Variants in RIPK2 observed in about 807,000 individuals in gnomAD.
RIPK2 encodes receptor-interacting serine/threonine-protein kinase 2.
Under a neutral mutation model 60.9 loss-of-function variants are expected in RIPK2, and 38 were observed. That is an observed-to-expected ratio of 0.62 (90% confidence interval 0.48 to 0.82). The LOEUF is 0.82. RIPK2 is among the 40% of genes least tolerant of loss of function. The pLI is 0.00. For missense variants in RIPK2, 518 were observed against 647.0 expected (o/e 0.80, Z 2.16); for synonymous variants, 225 against 223.4 (o/e 1.01, Z -0.06).
intron 7 of RIPK2, 128 bp downstream of exon 7, chr8:89,780,288 G>A: frequency 2.1e-6 from 1 of 471,034 alleles, no homozygotes; most frequent in East Asian, 3.8e-5. Context: ...GTTTTGGAGT[G>A]AGAAAATTTA....
At chr8:89,789,944 A>G (rs934817299) in intron 10 of RIPK2, 135 bp from the exon 11 acceptor site, 98 of 601,600 alleles carry the variant, frequency 1.6e-4, no homozygotes, top group Non-Finnish European at 2.5e-4. Context: ...ACCATTCCCC[A>G]AAGTGTTGGT....
intron 9 of RIPK2, among the ~76,000 whole-genome samples, chr8:89,788,194 A>G (rs1225026553): frequency 6.6e-6 from 1 of 151,202 alleles, no homozygotes; most frequent in African/African-American, 2.4e-5. Context: ...ATACAAAAAA[A>G]TTAGCGGGTA....
rs1809543845 is a variant in RIPK2 at position 89,784,089 on chromosome 8, A to G, written c.979A>G (p.Lys327Glu). Residue 327 changes from lysine to glutamate, a missense_variant, in exon 8 of 11, where the codon AAG (lysine) becomes GAG (glutamate). Physicochemically the swap from Lys to Glu is moderately conservative, Grantham distance 56. Transcript: ENST00000220751. Reference protein sequence around the residue: ...VSSAIHLCDKKKMELSLNIPV... With the variant: ...VSSAIHLCDKEKMELSLNIPV... ...AAGTGCCATTCACCTATGTGACAAG[A>G]AGAAAATGGAATTATCTCTGAACAT... The G allele has an allele frequency of 6.3e-7, 1 of 1,593,946 alleles. No individual in the cohort carries two copies. The highest frequency in any genetic ancestry group is 8.6e-7 in the Non-Finnish European group (1 of 1,166,026).
In RIPK2 at chr8:89,790,463, ATC is replaced by A. The variant is rs765649434; in HGVS notation, c.*51_*52del. ...ATGTGTTTCATAAAAGGATATTTAT[ATC>A]TCTGTTGCTTTGACTTTTTTTATAT... On this transcript the variant is annotated 3_prime_UTR_variant, in exon 11 of 11. Transcript: ENST00000220751. The A allele has an allele frequency of 1.5e-6, 2 of 1,362,118 alleles. No homozygotes were observed. The highest frequency in any genetic ancestry group is 2.3e-5 in the Admixed American group (1 of 43,318). 84.4% of individuals were successfully genotyped at this position (1,362,118 alleles called of 1,614,324 possible).
At chr8:89,773,995 A>G (rs1809356700) in intron 6 of RIPK2, among the ~76,000 whole-genome samples, 2 of 152,054 alleles carry the variant, frequency 1.3e-5, no homozygotes, top group Admixed American at 6.6e-5. Flanking sequence ...CAGGAGGATC[A>G]CTTGAGCCCA....
At chr8:89,765,217 A>G in intron 2 of RIPK2, 124 bp from the exon 3 acceptor site, 1 of 595,304 alleles carries the variant, frequency 1.7e-6, no homozygotes. Context: ...ATTTTATAAA[A>G]ATGAGCATAT....
At chr8:89,775,372 G>A (rs1456371650) in intron 6 of RIPK2, among the ~76,000 whole-genome samples, 1 of 152,104 alleles carries the variant, frequency 6.6e-6, no homozygotes, top group Non-Finnish European at 1.5e-5. Context: ...GATTGCTTGA[G>A]CCCAAAATGT....
At chr8:89,771,611 C>G in intron 4 of RIPK2, 130 bp from the exon 5 acceptor site, 1 of 580,892 alleles carries the variant, frequency 1.7e-6, no homozygotes, top group Non-Finnish European at 3.0e-6. Context: ...TCATTGTATA[C>G]AGTAATTCTT....
rs746433286 is a variant in RIPK2 at position 89,772,724 on chromosome 8, T to C, written c.749T>C (p.Ile250Thr). The C allele has an allele frequency of 1.2e-5, 19 of 1,611,970 alleles. No homozygotes were observed. The highest frequency in any genetic ancestry group is 1.6e-5 in the Non-Finnish European group (19 of 1,178,600). Residue 250 changes from isoleucine to threonine, a missense_variant, in exon 6 of 11, where the codon ATT (isoleucine) becomes ACT (threonine). Around this residue, in one of 3 missense-constraint regions of RIPK2, gnomAD observed 448 missense variants for 534.7 expected, o/e 0.84. Coordinates refer to ENST00000220751, the MANE Select transcript of RIPK2 (RefSeq NM_003821.6). The stretch of plus-strand genomic sequence containing the variant: ...GTGTCACAAGGACATCGACCTGTTA[T>C]TAATGAAGAAAGTTTGCCATATGAT... ...YSVSQGHRPV[I>T]NEESLPYDIP...
intron 3 of RIPK2, 84 bp downstream of exon 3, chr8:89,765,580 T>A (rs2130548783): frequency 1.2e-6 from 1 of 810,114 alleles, no homozygotes; most frequent in East Asian, 2.6e-5. Context: ...ACCTAGCCAA[T>A]TTCATGTCTC....
chr8:89,758,161 C>T lies in RIPK2; in HGVS notation c.101C>T (p.Ser34Phe), dbSNP rs760117427. Residue 34 changes from serine (S) to phenylalanine (F), a missense_variant, in exon 1 of 11, where the codon TCC becomes TTC. Ser to Phe is a radical substitution (Grantham distance 155). Coordinates refer to ENST00000220751, the MANE Select transcript of RIPK2 (RefSeq NM_003821.6). ...LSRGASGTVS[S>F]ARHADWRVQV... is the part of the protein sequence containing the mutation. ...CGCGGCGCCTCTGGCACTGTGTCGT[C>T]CGCCCGCCACGCAGACTGGCGCGTC... is the stretch of plus-strand genomic sequence containing the variant. 1.3e-5 allele frequency: 21 copies of T among 1,598,396 alleles called. No homozygotes were observed. The highest frequency in any genetic ancestry group is 1.7e-5 in the Non-Finnish European group (20 of 1,174,240).
At chr8:89,781,911 G>A (rs931632933) in intron 7 of RIPK2, among the ~76,000 whole-genome samples, 4 of 152,144 alleles carry the variant, frequency 2.6e-5, no homozygotes, top group Non-Finnish European at 5.9e-5. Context: ...TGCACTTTGG[G>A]CCATTAGTAG....
intron 1 of RIPK2, 83 bp from the exon 2 acceptor site, chr8:89,762,746 A>G: frequency 1.3e-6 from 1 of 755,370 alleles, no homozygotes; most frequent in South Asian, 4.0e-5. Context: ...TAATTAATGA[A>G]AAAAAATCCA....
intron 3 of RIPK2, among the ~76,000 whole-genome samples, chr8:89,768,845 T>A (rs1809269393): frequency 6.6e-6 from 1 of 151,690 alleles, no homozygotes; most frequent in Non-Finnish European, 1.5e-5. Context: ...TTAAAATTGG[T>A]AAAAAATATA....
At chr8:89,784,555 T>A (rs1809554626) in intron 8 of RIPK2, among the ~76,000 whole-genome samples, 1 of 152,208 alleles carries the variant, frequency 6.6e-6, no homozygotes, top group African/African-American at 2.4e-5. Flanking sequence ...TCAATCAGAC[T>A]TATATTAGTC....
At chr8:89,765,894 G>A (rs1446635035) in intron 3 of RIPK2, among the ~76,000 whole-genome samples, 1 of 151,556 alleles carries the variant, frequency 6.6e-6, no homozygotes, top group East Asian at 1.9e-4. Flanking sequence ...TCAAGACCAG[G>A]AATTTGACAT....
intron 2 of RIPK2, among the ~76,000 whole-genome samples, chr8:89,764,489 G>A (rs1307918363): frequency 2.0e-5 from 3 of 152,140 alleles, no homozygotes; most frequent in African/African-American, 7.2e-5. Context: ...CTTTTTCATA[G>A]CATTTAGAAA....
At chr8:89,776,067 C>T (rs2338881) in intron 6 of RIPK2, among the ~76,000 whole-genome samples, 1,746 of 152,246 alleles carry the variant, frequency 0.011, 40 homozygotes, top group African/African-American at 0.04. Flanking sequence ...AGGCCTCACC[C>T]TGCTTCTACA....
At chr8:89,782,164 A>C (rs993342914) in intron 7 of RIPK2, among the ~76,000 whole-genome samples, 1 of 152,086 alleles carries the variant, frequency 6.6e-6, no homozygotes, top group Admixed American at 6.5e-5. Context: ...ACTTGAGTAC[A>C]AGCACTGTGA....
Sources: allele counts gnomAD v4.1 joint callset (sites outside exome capture counted in the v4.1 genomes callset), GRCh38; gene constraint gnomAD v4.1.1; regional missense constraint gnomAD v4.1.1; transcripts MANE v1.5; gene names NCBI Gene and HGNC (gene_info 2026-07-23, HGNC 2026-07-21).